Variants in RBMS3 observed in about 807,000 individuals in gnomAD.
The protein encoded by RBMS3 is RNA-binding motif, single-stranded-interacting protein 3.
RBMS3 carries 27 observed loss-of-function variants against 66.8 expected under a neutral mutation model. The observed-to-expected ratio is 0.40, with a 90% confidence interval of 0.30 to 0.56. RBMS3 has a LOEUF of 0.56. RBMS3 is among the 20% of genes least tolerant of loss of function. The probability of loss-of-function intolerance (pLI) is 0.40; values close to 1 mark genes in which losing one functional copy is unlikely to be tolerated. For missense variants in RBMS3, 513 were observed against 549.5 expected, an observed-to-expected ratio of 0.93 and a Z score of 0.66; for synonymous variants, 188 against 183.0, an observed-to-expected ratio of 1.03 and a Z score of -0.22.
At chr3:29,907,101 G>T (rs1478221118) in intron 10 of RBMS3, among the ~76,000 whole-genome samples, 1 of 152,010 alleles carries the variant, frequency 6.6e-6, no homozygotes, top group Non-Finnish European at 1.5e-5. Flanking sequence ...TTTTAATCTG[G>T]CAGTCTTTTT....
chr3:29,312,420 A>C (rs1267722384), intron 1 of RBMS3, among the ~76,000 whole-genome samples: 1 of 151,810 alleles, frequency 6.6e-6, no homozygotes, highest in Non-Finnish European at 1.5e-5. Context: ...CAAGAGAACA[A>C]AGAGTGATCA....
intron 3 of RBMS3, among the ~76,000 whole-genome samples, chr3:29,559,718 C>T (rs930762785): frequency 1.3e-5 from 2 of 151,868 alleles, no homozygotes; most frequent in African/African-American, 2.4e-5. Context: ...AGTTAGCCAC[C>T]AATTTGCATT....
At chr3:29,381,839 T>G (rs1471529095) in intron 1 of RBMS3, among the ~76,000 whole-genome samples, 2 of 152,196 alleles carry the variant, frequency 1.3e-5, no homozygotes, top group African/African-American at 4.8e-5. Flanking sequence ...CATCACCTCA[T>G]GTGTTTGGCA....
chr3:29,982,779 T>A (rs922872580), intron 12 of RBMS3, among the ~76,000 whole-genome samples: 1 of 152,096 alleles, frequency 6.6e-6, no homozygotes, highest in Admixed American at 6.6e-5. Context: ...TCTGAGAGAC[T>A]GTTTGTTTTG....
chr3:29,281,996 T>C lies in RBMS3; in HGVS notation c.75+240T>C, dbSNP rs113466299. Among the ~76,000 whole-genome samples, 312 of 152,298 alleles carry C rather than the reference T, an allele frequency of 2.0e-3. 3 individuals are homozygous for C. Among genetic ancestry groups the C allele is most frequent in the African/African-American group, 7.4e-3 (306 of 41,570 alleles). ...ATAATAGTTTCACTTGAGTTCAGTT[T>C]CTTTGTTGTTATTTGGCAGCATAAA... On this transcript the variant is annotated intron_variant, in intron 1 of 14. Coordinates refer to ENST00000383767, the MANE Select transcript of RBMS3 (RefSeq NM_001003793.3).
In RBMS3 at chr3:29,508,081, G is replaced by A. The variant is rs191730674; in HGVS notation, c.307+19582G>A. ...TTATTTGGAATGAGATGTCAAGAAA[G>A]AGAAACTTCTAACTACTAATCATAA... On this transcript the variant is annotated intron_variant, in intron 3 of 14. Transcript: ENST00000383767. Among the ~76,000 whole-genome samples, 33 of 152,244 alleles carry A rather than the reference G, an allele frequency of 2.2e-4. No homozygotes were observed. In the East Asian group the frequency reaches 6.0e-3, roughly 28 times the overall value.
At chr3:29,296,965 C>T (rs1176560584) in intron 1 of RBMS3, among the ~76,000 whole-genome samples, 2 of 150,760 alleles carry the variant, frequency 1.3e-5, no homozygotes, top group Non-Finnish European at 3.0e-5. Context: ...ACTTAAAAAT[C>T]ATTAATATAT....
At chr3:29,665,457 C>T (rs527381918) in intron 4 of RBMS3, among the ~76,000 whole-genome samples, 28 of 152,114 alleles carry the variant, frequency 1.8e-4, no homozygotes, top group Non-Finnish European at 3.5e-4. Flanking sequence ...AATAATTCAG[C>T]GTTCTTTTTC....
chr3:29,635,586 T>C (rs1301256906), intron 4 of RBMS3, among the ~76,000 whole-genome samples: 2 of 151,842 alleles, frequency 1.3e-5, no homozygotes, highest in African/African-American at 4.8e-5. Flanking sequence ...TGCTGCCTTC[T>C]ATCCTCAACA....
chr3:29,977,143 C>T (rs941339496), intron 12 of RBMS3, among the ~76,000 whole-genome samples: 2 of 152,016 alleles, frequency 1.3e-5, no homozygotes, highest in African/African-American at 2.4e-5. Context: ...TTCTGAAATT[C>T]GTTAACCAGC....
chr3:29,586,884 A>G (rs935527629), intron 3 of RBMS3, among the ~76,000 whole-genome samples: 3 of 152,090 alleles, frequency 2.0e-5, no homozygotes, highest in Middle Eastern at 3.2e-3. Context: ...TCTACACCCA[A>G]TCTCCAAAAC....
chr3:29,987,556 G>T (rs997551173), intron 12 of RBMS3, among the ~76,000 whole-genome samples: 4 of 151,922 alleles, frequency 2.6e-5, no homozygotes, highest in Non-Finnish European at 5.9e-5. Context: ...ATGGGAGAAG[G>T]GAACAATAGA....
At chr3:29,820,965 C>T (rs2058063002) in intron 6 of RBMS3, among the ~76,000 whole-genome samples, 1 of 152,160 alleles carries the variant, frequency 6.6e-6, no homozygotes, top group African/African-American at 2.4e-5. Flanking sequence ...GGGAAGCAAC[C>T]ATTGTTATCA....
At chr3:29,835,882 C>A (rs960946944) in intron 6 of RBMS3, among the ~76,000 whole-genome samples, 1 of 151,206 alleles carries the variant, frequency 6.6e-6, no homozygotes, top group Non-Finnish European at 1.5e-5. Flanking sequence ...ACCTTCACTA[C>A]ACTAAGGAAA....
chr3:29,551,393 A>G, intron 3 of RBMS3, among the ~76,000 whole-genome samples: 1 of 152,220 alleles, frequency 6.6e-6, no homozygotes, highest in East Asian at 1.9e-4. Flanking sequence ...TAACAAAATA[A>G]GATAGTAAGC....
At chr3:29,430,491 G>T (rs982442713) in intron 1 of RBMS3, among the ~76,000 whole-genome samples, 2 of 152,168 alleles carry the variant, frequency 1.3e-5, no homozygotes, top group African/African-American at 4.8e-5. Flanking sequence ...CCCAACTTCG[G>T]TTGGCTTTTG....
At chr3:29,660,846 AATAGGG>A (rs2050516932) in intron 4 of RBMS3, among the ~76,000 whole-genome samples, 1 of 152,200 alleles carries the variant, frequency 6.6e-6, no homozygotes, top group Admixed American at 6.5e-5. Flanking sequence ...AAATGAAGGG[AATAGGG>A]ATAAGGCACT....
At chr3:29,883,381 G>T (rs1322773795) in intron 7 of RBMS3, among the ~76,000 whole-genome samples, 1 of 152,024 alleles carries the variant, frequency 6.6e-6, no homozygotes, top group Non-Finnish European at 1.5e-5. Context: ...CTATAAAATG[G>T]AGAAAATACT....
intron 1 of RBMS3, among the ~76,000 whole-genome samples, chr3:29,398,666 A>G (rs2039664062): frequency 6.6e-6 from 1 of 152,132 alleles, no homozygotes; most frequent in South Asian, 2.1e-4. Flanking sequence ...CAGGATGTCT[A>G]GAAATGCTGT....
Sources: allele counts gnomAD v4.1 joint callset (sites outside exome capture counted in the v4.1 genomes callset), GRCh38; gene constraint gnomAD v4.1.1; transcripts MANE v1.5; gene names NCBI Gene and HGNC (gene_info 2026-07-23, HGNC 2026-07-21).